SLCO3A1: variants seen among roughly 807,000 people sequenced by gnomAD.
SLCO3A1 encodes the protein PGE1 transporter.
A neutral mutation model predicts 63.1 loss-of-function variants in SLCO3A1; 27 were observed. The ratio of observed to expected loss-of-function variants is 0.43; its 90% CI spans 0.32 to 0.59. The LOEUF (loss-of-function observed/expected upper bound fraction) is 0.59. Among genes scored for constraint, SLCO3A1 ranks in the 20% least tolerant of loss-of-function variants. The pLI is 0.09. For synonymous variants in SLCO3A1, 473 were observed against 409.9 expected (o/e 1.15, Z -1.86); for missense variants, 773 against 945.8 (o/e 0.82, Z 2.40).
intron 2 of SLCO3A1, among the ~76,000 whole-genome samples, chr15:91,918,406 G>T (rs1597119479): frequency 6.6e-6 from 1 of 152,150 alleles, no homozygotes; most frequent in Admixed American, 6.5e-5. Context: ...GAACATCTTG[G>T]TGGCTCTGTT....
chr15:91,879,574 A>G (rs1057313595), intron 1 of SLCO3A1, among the ~76,000 whole-genome samples: 4 of 152,250 alleles, frequency 2.6e-5, no homozygotes, highest in South Asian at 2.1e-4. Flanking sequence ...TGCAACAAAA[A>G]TATGGCTGAA....
At chr15:91,951,288 G>A (rs1382298251) in intron 2 of SLCO3A1, among the ~76,000 whole-genome samples, 2 of 152,096 alleles carry the variant, frequency 1.3e-5, no homozygotes, top group East Asian at 3.8e-4. Flanking sequence ...TGCCTTTTCT[G>A]GACATTTAAT....
At chr15:91,906,063 T>A (rs1898297610) in intron 1 of SLCO3A1, among the ~76,000 whole-genome samples, 1 of 152,204 alleles carries the variant, frequency 6.6e-6, no homozygotes, top group South Asian at 2.1e-4. Context: ...TTATCTTCTC[T>A]GGGCTCAGGT....
chr15:92,038,093 G>A (rs1249512974), intron 2 of SLCO3A1, among the ~76,000 whole-genome samples: 1 of 152,212 alleles, frequency 6.6e-6, no homozygotes, highest in Non-Finnish European at 1.5e-5. Flanking sequence ...GGAGCTGAAA[G>A]ACATGTGTTC....
intron 2 of SLCO3A1, among the ~76,000 whole-genome samples, chr15:91,994,336 G>T (rs1318997617): frequency 2.0e-5 from 3 of 150,626 alleles, no homozygotes; most frequent in African/African-American, 7.3e-5. Flanking sequence ...CTTTTTTTTT[G>T]TAAAAATGTT....
At chr15:92,063,243 C>G (rs2047108252) in intron 2 of SLCO3A1, among the ~76,000 whole-genome samples, 1 of 152,186 alleles carries the variant, frequency 6.6e-6, no homozygotes, top group African/African-American at 2.4e-5. Context: ...ATTAATGTGA[C>G]AGATGCTGAT....
chr15:91,997,841 A>G (rs1456457638), intron 2 of SLCO3A1, among the ~76,000 whole-genome samples: 1 of 152,184 alleles, frequency 6.6e-6, no homozygotes, highest in South Asian at 2.1e-4. Flanking sequence ...CTATCTTTCA[A>G]CATATACAAA....
In SLCO3A1 at chr15:92,163,990, T is replaced by C. The variant is rs2048472144; in HGVS notation, c.*855T>C. Reference sequence around the variant, plus strand: ...TCAGAGCTGGTGAGACCCAACGCAGTCCAAGTCATTTGCTTACATTTGCCA... The same window carrying C: ...TCAGAGCTGGTGAGACCCAACGCAGCCCAAGTCATTTGCTTACATTTGCCA... On this transcript the variant is annotated 3_prime_UTR_variant, in exon 10 of 10. Coordinates refer to ENST00000318445, the MANE Select transcript of SLCO3A1 (RefSeq NM_013272.4). 1.0e-6 allele frequency: 1 copy of C among 985,282 alleles called. No individual in the cohort carries two copies. The highest frequency in any genetic ancestry group is 1.2e-6 in the Non-Finnish European group (1 of 829,944). 61.0% of individuals were successfully genotyped at this position (985,282 alleles called of 1,614,324 possible). A position where few individuals can be genotyped will look rare whatever the true frequency, so the allele number is the denominator to read the frequency against.
chr15:92,155,895 C>T (rs1307525925), intron 9 of SLCO3A1, among the ~76,000 whole-genome samples: 4 of 152,100 alleles, frequency 2.6e-5, no homozygotes, highest in Non-Finnish European at 4.4e-5. Flanking sequence ...GCTTAGCTTC[C>T]ACAATACCAC....
chr15:91,940,999 A>C (rs1043510844), intron 2 of SLCO3A1, among the ~76,000 whole-genome samples: 1 of 152,050 alleles, frequency 6.6e-6, no homozygotes, highest in African/African-American at 2.4e-5. Flanking sequence ...CCGTTTTAGG[A>C]GGGTGATTTA....
chr15:92,109,124 A>G (rs892039597), intron 4 of SLCO3A1, among the ~76,000 whole-genome samples: 1 of 152,214 alleles, frequency 6.6e-6, no homozygotes, highest in Admixed American at 6.5e-5. Flanking sequence ...ATGCACAGAT[A>G]GCAGGTAATG....
chr15:91,915,176 A>G (rs2098413104), intron 1 of SLCO3A1, among the ~76,000 whole-genome samples: 1 of 152,062 alleles, frequency 6.6e-6, no homozygotes, highest in African/African-American at 2.4e-5. Flanking sequence ...TCTTAGGTAC[A>G]TGTTTACCTT....
At chr15:91,932,852 T>C (rs1181853096) in intron 2 of SLCO3A1, among the ~76,000 whole-genome samples, 2 of 152,252 alleles carry the variant, frequency 1.3e-5, no homozygotes, top group African/African-American at 2.4e-5. Context: ...TTAGGGGCAC[T>C]GATCTTTAAT....
rs1194077469 is a variant in SLCO3A1 at position 91,948,147 on chromosome 15, T to G, written c.646+31689T>G. On this transcript the variant is annotated intron_variant, in intron 2 of 9. Coordinates refer to ENST00000318445, the MANE Select transcript of SLCO3A1 (RefSeq NM_013272.4). This position sits in a 1 kb window ranked among gnomAD's most constrained non-coding sequence, Gnocchi z 4.8. ...ATAAAAGTCTGAGCCAGAAAGTGGGTGGAAGCCCTGGCCCTTTGTTACCTG... is the reference window on the plus strand; with the variant it reads ...ATAAAAGTCTGAGCCAGAAAGTGGGGGGAAGCCCTGGCCCTTTGTTACCTG... 2.0e-5 allele frequency among the ~76,000 whole-genome samples: 3 copies of G among 152,160 alleles called. No homozygotes were observed. Among genetic ancestry groups the G allele is most frequent in the Non-Finnish European group, 2.9e-5 (2 of 68,016 alleles).
At chr15:92,154,785 G>C (rs1210723326) in intron 9 of SLCO3A1, among the ~76,000 whole-genome samples, 1 of 152,124 alleles carries the variant, frequency 6.6e-6, no homozygotes, top group Non-Finnish European at 1.5e-5. Context: ...AGTGTGGCAG[G>C]AGAGTGGAGC....
intron 10 of SLCO3A1, chr15:92,171,013 G>A (rs1170502512): frequency 6.6e-6 from 1 of 152,168 alleles, no homozygotes; most frequent in Non-Finnish European, 1.5e-5. Context: ...TCAGGCTTCA[G>A]CTTCACAATC....
intron 2 of SLCO3A1, among the ~76,000 whole-genome samples, chr15:92,003,808 A>G (rs994917854): frequency 6.6e-6 from 1 of 152,218 alleles, no homozygotes; most frequent in Admixed American, 6.5e-5. Flanking sequence ...CAGCCTGGCC[A>G]GGCTGTGGGT....
chr15:92,062,672 G>A (rs567423832), intron 2 of SLCO3A1, among the ~76,000 whole-genome samples: 3 of 152,260 alleles, frequency 2.0e-5, no homozygotes, highest in South Asian at 2.1e-4. Context: ...TTGGGGTGGC[G>A]AGATCCAGAG....
At chr15:92,056,759 A>G (rs79435987) in intron 2 of SLCO3A1, among the ~76,000 whole-genome samples, 165 of 152,300 alleles carry the variant, frequency 1.1e-3, no homozygotes, top group African/African-American at 3.7e-3. Context: ...TGCCTAAGAA[A>G]GCCTTGCTGG....
Sources: gnomAD v4.1 joint callset for allele counts (sites outside exome capture counted in the v4.1 genomes callset) on GRCh38, gnomAD v4.1.1 for gene constraint, Gnocchi (gnomAD v3.1) non-coding constraint, MANE v1.5 for transcripts, NCBI Gene and HGNC (gene_info 2026-07-23, HGNC 2026-07-21) for gene names.